PDGFRA: variants seen among roughly 807,000 people sequenced by gnomAD.
PDGFRA encodes the protein platelet derived growth factor receptor alpha.
Under a neutral mutation model 121.5 loss-of-function variants are expected in PDGFRA, and 25 were observed. The observed-to-expected ratio is 0.21, with a 90% CI of 0.15 to 0.29. The LOEUF (loss-of-function observed/expected upper bound fraction) is 0.29, where lower values mean the gene tolerates loss of function less well. Among genes scored for constraint, PDGFRA ranks in the 10% least tolerant of loss-of-function variants. The pLI is 1.00. For synonymous variants in PDGFRA, 463 were observed against 494.8 expected, an observed-to-expected ratio of 0.94 and a Z score of 0.85; for missense variants, 1,008 against 1,345.1, an observed-to-expected ratio of 0.75 and a Z score of 3.92.
In PDGFRA at chr4:54,267,716, G is replaced by A. The variant is rs1723120020; in HGVS notation, c.1096G>A (p.Asp366Asn). The change falls in exon 7 of 23, where the codon GAT becomes AAT. Residue 366 changes from aspartate to asparagine, a missense_variant. Asp to Asn is a conservative substitution (Grantham distance 23). Around this residue, in one of 5 missense-constraint regions of PDGFRA, gnomAD observed 575 missense variants for 701.8 expected, o/e 0.82. Coordinates refer to ENST00000257290, the MANE Select transcript of PDGFRA (RefSeq NM_006206.6). ...LIENLTEITTDVEKIQEIRYR... is the reference protein window; with the variant it reads ...LIENLTEITTNVEKIQEIRYR... ...TGAAAATCTCACTGAGATCACCACTGATGTGGAAAAGATTCAGGAAATAAG... is the reference window on the plus strand; with the variant it reads ...TGAAAATCTCACTGAGATCACCACTAATGTGGAAAAGATTCAGGAAATAAG... 1 of 1,613,928 alleles carries A rather than the reference G, an allele frequency of 6.2e-7. No individual in the cohort carries two copies. Among genetic ancestry groups the A allele is most frequent in the African/African-American group, 1.3e-5 (1 of 74,930 alleles).
chr4:54,242,305 A>AT (rs74646338), intron 1 of PDGFRA, among the ~76,000 whole-genome samples: 25 of 152,236 alleles, frequency 1.6e-4, no homozygotes, highest in East Asian at 1.5e-3. Context: ...TGGATCTTGT[A>AT]AAAATTGCTT....
chr4:54,236,238 A>G (rs1720999550), intron 1 of PDGFRA, among the ~76,000 whole-genome samples: 1 of 152,234 alleles, frequency 6.6e-6, no homozygotes, highest in African/African-American at 2.4e-5. Flanking sequence ...TTATGGTGCC[A>G]TGTTTCTCAG....
intron 1 of PDGFRA, among the ~76,000 whole-genome samples, chr4:54,238,937 C>T (rs1420786546): frequency 3.3e-5 from 5 of 152,064 alleles, no homozygotes; most frequent in Admixed American, 3.3e-4. Context: ...CAGGCCACTG[C>T]ACTCCAGCCT....
At chr4:54,286,242 G>C (rs1192821089) in intron 18 of PDGFRA, among the ~76,000 whole-genome samples, 1 of 152,070 alleles carries the variant, frequency 6.6e-6, no homozygotes, top group Non-Finnish European at 1.5e-5. Flanking sequence ...TTGCTATGGG[G>C]ATTAAATCAA....
intron 15 of PDGFRA, among the ~76,000 whole-genome samples, chr4:54,279,124 A>C (rs1365924421): frequency 6.6e-6 from 1 of 152,230 alleles, no homozygotes; most frequent in Non-Finnish European, 1.5e-5. Context: ...AAGGCTTGTG[A>C]GTTGAAAAAC....
At chr4:54,250,481 A>G (rs1445316441) in intron 1 of PDGFRA, among the ~76,000 whole-genome samples, 2 of 152,222 alleles carry the variant, frequency 1.3e-5, no homozygotes, top group African/African-American at 2.4e-5. Flanking sequence ...TCTTTGGACT[A>G]TACTTATATA....
At chr4:54,236,338 T>G (rs1721007193) in intron 1 of PDGFRA, among the ~76,000 whole-genome samples, 1 of 151,958 alleles carries the variant, frequency 6.6e-6, no homozygotes, top group African/African-American at 2.4e-5. Flanking sequence ...GCATTTAGAG[T>G]AGATAAAAGT....
At chr4:54,259,346 A>G (rs1223569157) in intron 2 of PDGFRA, among the ~76,000 whole-genome samples, 7 of 152,264 alleles carry the variant, frequency 4.6e-5, no homozygotes. Flanking sequence ...AATAATAGAA[A>G]ATTCTTGCCC....
Position 54,290,318 on chromosome 4 carries a change from T to C in PDGFRA, c.2886T>C (p.Tyr962=). The stretch of plus-strand genomic sequence containing the variant: ...TGTTCAATGAATGTTTATAGAGTTA[T>C]GAAAAAATTCACCTGGACTTCCTGA... The part of the protein sequence containing the change: ...NLLPGQYKKS[Y]EKIHLDFLKS... The change falls in exon 22 of 23, where the codon TAT becomes TAC. Residue 962 remains tyrosine (Y), a synonymous_variant. Transcript: ENST00000257290. 6 of 1,611,110 alleles carry C rather than the reference T, an allele frequency of 3.7e-6. No individual in the cohort carries two copies. Among genetic ancestry groups the C allele is most frequent in the African/African-American group, 1.3e-5 (1 of 75,010 alleles).
chr4:54,274,078 A>G (rs1451420539), intron 10 of PDGFRA, among the ~76,000 whole-genome samples: 2 of 152,246 alleles, frequency 1.3e-5, no homozygotes, highest in African/African-American at 4.8e-5. Context: ...ATGTCTGTGT[A>G]TGTGGATGGA....
rs2110325401 is a variant in PDGFRA, at chr4:54,280,499, T to C, written c.2323+17T>C. On this transcript the variant is annotated intron_variant, in intron 16 of 22. Coordinates refer to ENST00000257290, the MANE Select transcript of PDGFRA (RefSeq NM_006206.6). ...CTATGTTAGGTAAAAGTGTCTATACTCACTCTGGGTGTTGGGACTTTCCAG... is the reference window on the plus strand; with the variant it reads ...CTATGTTAGGTAAAAGTGTCTATACCCACTCTGGGTGTTGGGACTTTCCAG... 7 of 1,598,926 alleles carry C rather than the reference T, an allele frequency of 4.4e-6. No individual in the cohort carries two copies. Among genetic ancestry groups the C allele is most frequent in the Non-Finnish European group, 6.0e-6 (7 of 1,167,060 alleles).
intron 12 of PDGFRA, 31 bp from the exon 13 acceptor site, chr4:54,277,357 T>A: frequency 6.6e-7 from 1 of 1,506,542 alleles, no homozygotes; most frequent in Non-Finnish European, 9.2e-7. Context: ...GTCTGGAGTT[T>A]TTGGGTGTTA....
At chr4:54,250,103 G>T (rs1285308419) in intron 1 of PDGFRA, among the ~76,000 whole-genome samples, 1 of 152,098 alleles carries the variant, frequency 6.6e-6, no homozygotes, top group South Asian at 2.1e-4. Flanking sequence ...GATAATGAAA[G>T]ATTTTTATTT....
At chr4:54,271,682 CCCT>C (rs1388653062) in intron 8 of PDGFRA, among the ~76,000 whole-genome samples, 1 of 149,196 alleles carries the variant, frequency 6.7e-6, no homozygotes, top group Non-Finnish European at 1.5e-5. Context: ...CTTCTTCCCT[CCCT>C]CCTTTGTTCT....
rs182923160 is a variant in PDGFRA, at chr4:54,296,698, G to C, written c.*1426G>C. The C allele has an allele frequency of 6.4e-5, 15 of 232,778 alleles. No individual in the cohort carries two copies. The East Asian group carries it at 7.9e-4, about 12-fold the overall frequency. The allele number at this position is 232,778 out of a possible 1,614,324, so 14.4% of individuals were successfully genotyped here. On this transcript the variant is annotated 3_prime_UTR_variant, in exon 23 of 23. Transcript: ENST00000257290. ...TTTTTCTAAACTCCCTGGCTGTTCT[G>C]ATCGGCCAGTTTTCGGAAACACTGA...
At chr4:54,291,865 T>A (rs1435600045) in intron 22 of PDGFRA, among the ~76,000 whole-genome samples, 1 of 152,084 alleles carries the variant, frequency 6.6e-6, no homozygotes, top group Non-Finnish European at 1.5e-5. Flanking sequence ...AGCAAAGACA[T>A]GGAATCATCC....
intron 19 of PDGFRA, among the ~76,000 whole-genome samples, chr4:54,288,279 A>C (rs1724452008): frequency 6.6e-6 from 1 of 152,184 alleles, no homozygotes; most frequent in Non-Finnish European, 1.5e-5. Flanking sequence ...ATCAGGATGT[A>C]ATAGTAAAGT....
intron 1 of PDGFRA, among the ~76,000 whole-genome samples, chr4:54,253,620 G>T (rs149833459): frequency 1.4e-3 from 209 of 152,286 alleles, no homozygotes; most frequent in African/African-American, 4.9e-3. Context: ...AAGTAATTAT[G>T]ATTGAAGAAA....
In PDGFRA at chr4:54,290,551, A is replaced by C. The variant is rs1224462951; in HGVS notation, c.3119A>C (p.His1040Pro). 2 of 1,614,202 alleles carry C rather than the reference A, an allele frequency of 1.2e-6. No individual in the cohort carries two copies. Among genetic ancestry groups the C allele is most frequent in the Non-Finnish European group, 1.7e-6 (2 of 1,180,036 alleles). ...EEEDLGKRNR[H>P]SSQTSEESAI... ...GAGGACCTGGGCAAGAGGAACAGACACAGGTAGCTGTGGGGGCAGCCTCGG... is the reference window on the plus strand; with the variant it reads ...GAGGACCTGGGCAAGAGGAACAGACCCAGGTAGCTGTGGGGGCAGCCTCGG... The change falls in exon 22 of 23, where the codon CAC becomes CCC. Residue 1040 changes from histidine (H) to proline (P), a missense_variant. This residue lies in a region of PDGFRA where 204 missense variants were observed against 243.0 expected (regional missense o/e 0.84). Transcript: ENST00000257290.
Sources: allele counts gnomAD v4.1 joint callset (sites outside exome capture counted in the v4.1 genomes callset), GRCh38; gene constraint gnomAD v4.1.1; regional missense constraint gnomAD v4.1.1; transcripts MANE v1.5; gene names NCBI Gene and HGNC (gene_info 2026-07-23, HGNC 2026-07-21).